The following DPYSL5 variants were observed in gnomAD, a reference collection of about 807,000 sequenced individuals.
DPYSL5 encodes the protein dihydropyrimidinase like 5, also known as dihydropyrimidinase-related protein 5.
A neutral mutation model predicts 58.4 loss-of-function variants in DPYSL5; 9 were observed. The observed-to-expected ratio is 0.15, with a 90% CI of 0.09 to 0.27. The LOEUF (loss-of-function observed/expected upper bound fraction) is 0.27. Among genes scored for constraint, DPYSL5 ranks in the 10% least tolerant of loss-of-function variants. The pLI is 1.00. For synonymous variants in DPYSL5, 293 were observed against 301.9 expected, an observed-to-expected ratio of 0.97 and a Z score of 0.31; for missense variants, 499 against 770.6, an observed-to-expected ratio of 0.65 and a Z score of 4.17.
At chr2:26,900,590 A>G (rs1664134241) in intron 2 of DPYSL5, among the ~76,000 whole-genome samples, 1 of 152,220 alleles carries the variant, frequency 6.6e-6, no homozygotes, top group East Asian at 1.9e-4. Flanking sequence ...TTTGTTGGGC[A>G]CATACTCCCG....
chr2:26,908,550 C>T (rs576531972), intron 2 of DPYSL5, among the ~76,000 whole-genome samples: 2 of 152,156 alleles, frequency 1.3e-5, no homozygotes, highest in Non-Finnish European at 2.9e-5. Context: ...GGAGATCTAT[C>T]GTTTCTTATA....
chr2:26,855,831 G>A (rs958648828), intron 1 of DPYSL5, among the ~76,000 whole-genome samples: 22 of 152,176 alleles, frequency 1.4e-4, no homozygotes, highest in Non-Finnish European at 2.4e-4. Flanking sequence ...TACAGAAGCC[G>A]CCTCCTTTCT....
chr2:26,890,191 G>T (rs561360924), intron 1 of DPYSL5, among the ~76,000 whole-genome samples: 62 of 152,272 alleles, frequency 4.1e-4, no homozygotes, highest in Non-Finnish European at 7.3e-4. Flanking sequence ...TAGGCAAGAA[G>T]TGTCCCCTTT....
chr2:26,908,243 T>G (rs910584651), intron 2 of DPYSL5, among the ~76,000 whole-genome samples: 3 of 152,350 alleles, frequency 2.0e-5, no homozygotes, highest in Non-Finnish European at 4.4e-5. Flanking sequence ...AAATAGGAAC[T>G]GAAAGAACTG....
rs565622679 is a variant in DPYSL5 at position 26,849,342 on chromosome 2, C to T, written c.-5+1088C>T. Among the ~76,000 whole-genome samples, 1 of 151,288 alleles carries T rather than the reference C, an allele frequency of 6.6e-6. No individual in the cohort carries two copies. The highest frequency in any genetic ancestry group is 2.4e-5 in the African/African-American group (1 of 41,278). ...GGGCCTCCTGGGAAGGGGAGCCTCC[C>T]GAGGAGGGAGGGGCAAGCAGCTGAG... is the stretch of plus-strand genomic sequence containing the variant. On this transcript the variant is annotated intron_variant, in intron 1 of 12. Coordinates refer to ENST00000288699, the MANE Select transcript of DPYSL5 (RefSeq NM_020134.4). The surrounding 1 kb of genome is among the most constrained non-coding windows in gnomAD (Gnocchi z 6.2).
chr2:26,863,008 T>C (rs1356868876), intron 1 of DPYSL5, among the ~76,000 whole-genome samples: 1 of 152,148 alleles, frequency 6.6e-6, no homozygotes, highest in Admixed American at 6.5e-5. Context: ...ATAGACCCTG[T>C]AGCATCTGAC....
At chr2:26,923,563 C>G (rs187304536) in intron 2 of DPYSL5, among the ~76,000 whole-genome samples, 13 of 152,308 alleles carry the variant, frequency 8.5e-5, no homozygotes, top group Admixed American at 8.5e-4. Flanking sequence ...CCGTGAAGCA[C>G]TGTAAGGACT....
At chr2:26,882,737 C>G (rs558377272) in intron 1 of DPYSL5, among the ~76,000 whole-genome samples, 3 of 152,064 alleles carry the variant, frequency 2.0e-5, no homozygotes, top group African/African-American at 7.2e-5. Context: ...CCCATCTCTA[C>G]TAAAAATACA....
chr2:26,891,348 T>C (rs1200261424), intron 1 of DPYSL5, among the ~76,000 whole-genome samples: 1 of 152,166 alleles, frequency 6.6e-6, no homozygotes, highest in Admixed American at 6.5e-5. Context: ...GAGCAGTCTA[T>C]CCTGGATTTC....
intron 2 of DPYSL5, among the ~76,000 whole-genome samples, chr2:26,918,206 A>G (rs987514078): frequency 3.4e-5 from 5 of 148,998 alleles, no homozygotes; most frequent in African/African-American, 1.2e-4. Flanking sequence ...GTGCAGCTGC[A>G]TGGGCGACAT....
At chr2:26,922,072 T>C (rs1262292709) in intron 2 of DPYSL5, among the ~76,000 whole-genome samples, 2 of 152,144 alleles carry the variant, frequency 1.3e-5, no homozygotes, top group Non-Finnish European at 2.9e-5. Context: ...GGTCTGGGGA[T>C]TGTGTCTACC....
At chr2:26,917,402 G>C (rs1664592206) in intron 2 of DPYSL5, among the ~76,000 whole-genome samples, 1 of 152,362 alleles carries the variant, frequency 6.6e-6, no homozygotes, top group South Asian at 2.1e-4. Context: ...TATCAGTCAA[G>C]ATAAGGCCTG....
At position 26,927,147 on chromosome 2, in the gene DPYSL5, T is replaced by G; in HGVS notation, c.421-106T>G. The stretch of plus-strand genomic sequence containing the variant: ...AGGTGTGGGGGGTCAACCGACAGAC[T>G]GAGCTGGGGCAGGCCCCACATCTCC... On this transcript the variant is annotated intron_variant, in intron 3 of 12. Transcript: ENST00000288699. This position sits in a 1 kb window ranked among gnomAD's most constrained non-coding sequence, Gnocchi z 4.3. The G allele has an allele frequency of 4.1e-6, 5 of 1,227,344 alleles. No homozygotes were observed. The highest frequency in any genetic ancestry group is 3.1e-5 in the South Asian group (2 of 64,914). The allele number at this position is 1,227,344 out of a possible 1,614,324, so 76.0% of individuals were successfully genotyped here.
Position 26,940,035 on chromosome 2 carries a change from A to G in DPYSL5, c.952A>G (p.Thr318Ala), listed in dbSNP as rs1665275576. The G allele has an allele frequency of 1.2e-6, 2 of 1,613,848 alleles. No homozygotes were observed. Among genetic ancestry groups the G allele is most frequent in the Non-Finnish European group, 1.7e-6 (2 of 1,179,982 alleles). The change falls in exon 9 of 13, where the codon ACT becomes GCT. Residue 318 changes from threonine (T) to alanine (A), a missense_variant. By Grantham distance (58) the Thr-to-Ala change is moderately conservative (BLOSUM62 0). This residue lies in a region of DPYSL5 where 404 missense variants were observed against 647.6 expected (regional missense o/e 0.62). Transcript: ENST00000288699. ...CACCTCCTTTTCTCTACCCAGTGAC[A>G]CTCTGAACATCGTGGCATCAGATCA... ...TYLMSLLAND[T>A]LNIVASDHRP...
intron 2 of DPYSL5, among the ~76,000 whole-genome samples, chr2:26,907,689 G>A (rs368164182): frequency 6.6e-6 from 1 of 152,142 alleles, no homozygotes; most frequent in African/African-American, 2.4e-5. Context: ...CCTGCACAGA[G>A]CCCCTCCTTC....
At chr2:26,901,758 C>T (rs1202128695) in intron 2 of DPYSL5, among the ~76,000 whole-genome samples, 1 of 152,044 alleles carries the variant, frequency 6.6e-6, no homozygotes, top group Non-Finnish European at 1.5e-5. Context: ...ACCCTGCACA[C>T]AACACCCCAC....
intron 9 of DPYSL5, among the ~76,000 whole-genome samples, chr2:26,941,545 T>C (rs1041888741): frequency 2.6e-5 from 4 of 152,182 alleles, no homozygotes; most frequent in South Asian, 2.1e-4. Context: ...AGAGAGTCCA[T>C]AGTACTCTCA....
intron 2 of DPYSL5, among the ~76,000 whole-genome samples, chr2:26,918,973 TG>T (rs1664642471): frequency 6.6e-6 from 1 of 152,124 alleles, no homozygotes; most frequent in African/African-American, 2.4e-5. Flanking sequence ...GCAGGGTTGC[TG>T]GGGAGCAATT....
intron 9 of DPYSL5, 146 bp from the exon 10 acceptor site, chr2:26,941,804 T>C (rs893953175): frequency 1.9e-6 from 2 of 1,078,718 alleles, no homozygotes; most frequent in Non-Finnish European, 1.3e-6. Context: ...CTGGCTCATC[T>C]GAGATGGTGC....
Sources: allele counts gnomAD v4.1 joint callset (sites outside exome capture counted in the v4.1 genomes callset), GRCh38; gene constraint gnomAD v4.1.1; regional missense constraint gnomAD v4.1.1; non-coding constraint Gnocchi (gnomAD v3.1); transcripts MANE v1.5; gene names NCBI Gene and HGNC (gene_info 2026-07-23, HGNC 2026-07-21).